Variants in DUSP16 observed in about 807,000 individuals in gnomAD.
DUSP16 encodes dual specificity phosphatase 16, also known as dual specificity protein phosphatase 16.
A neutral mutation model predicts 58.3 loss-of-function variants in DUSP16; 21 were observed. That is an observed-to-expected ratio of 0.36 (90% CI 0.26 to 0.52). The LOEUF (loss-of-function observed/expected upper bound fraction) is 0.52, where lower values mean the gene tolerates loss of function less well. Ranked by LOEUF, DUSP16 falls within the 20% of genes least tolerant of loss-of-function variation. The probability of loss-of-function intolerance (pLI) is 0.94; values close to 1 mark genes in which losing one functional copy is unlikely to be tolerated. For missense variants in DUSP16, 726 were observed against 819.0 expected (o/e 0.89, Z 1.39); for synonymous variants, 320 against 323.8 (o/e 0.99, Z 0.12).
rs1345748205 is a variant in DUSP16, at chr12:12,562,792, G to C, written c.-1041C>G. 6.6e-6 allele frequency among the ~76,000 whole-genome samples: 1 copy of C among 151,496 alleles called. No individual in the cohort carries two copies. The highest frequency in any genetic ancestry group is 1.9e-4 in the East Asian group (1 of 5,174). On this transcript the variant is annotated 5_prime_UTR_variant, in exon 1 of 7. Transcript: ENST00000298573. Reference sequence around the variant, plus strand: ...TCCCGCGGCCGCCCGAGCCCGGAGCGCGGCTCCGCGCCTCGTTCCGGCCGC... The same window carrying C: ...TCCCGCGGCCGCCCGAGCCCGGAGCCCGGCTCCGCGCCTCGTTCCGGCCGC...
At chr12:12,557,861 A>G (rs1944832319) in intron 1 of DUSP16, among the ~76,000 whole-genome samples, 1 of 152,232 alleles carries the variant, frequency 6.6e-6, no homozygotes, top group Admixed American at 6.5e-5. Context: ...CACTTGGTAG[A>G]GGATCAGCAT....
At chr12:12,497,883 T>C (rs1369488793) in intron 4 of DUSP16, among the ~76,000 whole-genome samples, 1 of 151,888 alleles carries the variant, frequency 6.6e-6, no homozygotes, top group Non-Finnish European at 1.5e-5. Flanking sequence ...GGCAGGAGAA[T>C]TGCTTGAACA....
intron 1 of DUSP16, among the ~76,000 whole-genome samples, chr12:12,542,967 C>T (rs918786707): frequency 6.6e-5 from 10 of 152,016 alleles, no homozygotes; most frequent in South Asian, 2.1e-4. Context: ...CTTGGGTATA[C>T]GATGAGAAAT....
intron 1 of DUSP16, among the ~76,000 whole-genome samples, chr12:12,551,738 G>T (rs1944731586): frequency 6.9e-6 from 1 of 144,648 alleles, no homozygotes; most frequent in Admixed American, 7.1e-5. Context: ...TGTTACCCAT[G>T]CTGGAGTGCA....
intron 4 of DUSP16, among the ~76,000 whole-genome samples, chr12:12,499,972 C>A (rs572326658): frequency 2.0e-5 from 3 of 151,848 alleles, no homozygotes; most frequent in Admixed American, 6.6e-5. Context: ...CATGCTCTTC[C>A]CTCTTCCTTC....
intron 1 of DUSP16, among the ~76,000 whole-genome samples, chr12:12,535,778 G>C (rs1005093233): frequency 6.6e-6 from 1 of 152,228 alleles, no homozygotes; most frequent in Admixed American, 6.5e-5. Context: ...AAATTTCAAA[G>C]AGAGTTTTGA....
chr12:12,479,459 G>A (rs532382457), intron 6 of DUSP16, among the ~76,000 whole-genome samples: 9 of 152,168 alleles, frequency 5.9e-5, no homozygotes, highest in Non-Finnish European at 1.3e-4. Flanking sequence ...TCTGAACGGC[G>A]GCATGAGAGC....
intron 3 of DUSP16, 126 bp downstream of exon 3, chr12:12,519,736 G>T: frequency 1.1e-6 from 1 of 913,066 alleles, no homozygotes. Flanking sequence ...TCAATCAAAA[G>T]CTATAAATAA....
intron 3 of DUSP16, among the ~76,000 whole-genome samples, chr12:12,506,752 G>A (rs553791519): frequency 1.2e-4 from 18 of 152,358 alleles, no homozygotes; most frequent in South Asian, 2.1e-4. Flanking sequence ...GCAGAGAAGC[G>A]TCTTGGCCTC....
chr12:12,504,867 A>C (rs1043397316), intron 3 of DUSP16, among the ~76,000 whole-genome samples: 4 of 152,058 alleles, frequency 2.6e-5, no homozygotes, highest in African/African-American at 9.7e-5. Flanking sequence ...ACAAAGTGAG[A>C]CCCTGTCTCA....
chr12:12,482,851 C>A (rs1033242409), intron 5 of DUSP16, among the ~76,000 whole-genome samples: 1 of 152,150 alleles, frequency 6.6e-6, no homozygotes, highest in Non-Finnish European at 1.5e-5. Context: ...GCTAGGACTA[C>A]AGGTGCACAC....
At position 12,540,922 on chromosome 12, in the gene DUSP16, T is replaced by C. The variant is rs554505988; in HGVS notation, c.-365-19459A>G. 2.8e-4 allele frequency among the ~76,000 whole-genome samples: 42 copies of C among 149,912 alleles called. No individual in the cohort carries two copies. The South Asian group carries it at 5.9e-3, about 21-fold the overall frequency. On this transcript the variant is annotated intron_variant, in intron 1 of 6. Transcript: ENST00000298573. ...TCATCTTTCTTCAGGAGGCAGACAG[T>C]TGCTTTTTTTTCTTTTCTTTTCTTT...
rs766767452 is a variant in DUSP16 at position 12,519,911 on chromosome 12, T to A, written c.318A>T (p.Val106=). Reference sequence around the variant, plus strand: ...AGCTCTTCTCCAGTTTACCCAGAAGTACAGTGAGAAAACAGTCTGAAGAGA... The same window carrying A: ...AGCTCTTCTCCAGTTTACCCAGAAGAACAGTGAGAAAACAGTCTGAAGAGA... ...ASLSSDCFLT[V]LLGKLEKSFN... Residue 106 remains valine, a synonymous_variant, in exon 3 of 7, where the codon GTA becomes GTT. Coordinates refer to ENST00000298573, the MANE Select transcript of DUSP16 (RefSeq NM_030640.3). 1.2e-6 allele frequency: 2 copies of A among 1,614,084 alleles called. No homozygotes were observed. The highest frequency in any genetic ancestry group is 2.2e-5 in the South Asian group (2 of 91,080).
intron 5 of DUSP16, among the ~76,000 whole-genome samples, chr12:12,486,677 A>G (rs897538044): frequency 6.6e-6 from 1 of 152,232 alleles, no homozygotes; most frequent in Non-Finnish European, 1.5e-5. Context: ...AATATTACCA[A>G]AGTTTCCCAA....
Position 12,520,934 on chromosome 12 carries a change from C to T in DUSP16, c.165G>A (p.Lys55=), listed in dbSNP as rs1324496669. 6.2e-7 allele frequency: 1 copy of T among 1,614,190 alleles called. No individual in the cohort carries two copies. Reference sequence around the variant, plus strand: ...ACACTTTGTCCTGTTGCAACCTTCGCTTCATAAGCTTGGAGCAGTTGATAT... The same window carrying T: ...ACACTTTGTCCTGTTGCAACCTTCGTTTCATAAGCTTGGAGCAGTTGATAT... ...AININCSKLM[K]RRLQQDKVLI... The change falls in exon 2 of 7, where the codon AAG becomes AAA. Residue 55 remains lysine, a synonymous_variant. Transcript: ENST00000298573.
chr12:12,524,594 AG>A (rs1430768796), intron 1 of DUSP16, among the ~76,000 whole-genome samples: 1 of 152,228 alleles, frequency 6.6e-6, no homozygotes, highest in Non-Finnish European at 1.5e-5. Flanking sequence ...AGATGACAAG[AG>A]AATATTTTGC....
At chr12:12,552,235 C>T (rs755298554) in intron 1 of DUSP16, among the ~76,000 whole-genome samples, 5 of 151,874 alleles carry the variant, frequency 3.3e-5, no homozygotes, top group Non-Finnish European at 4.4e-5. Context: ...CACTTGGGGT[C>T]GGGAGTTTGA....
At chr12:12,519,480 G>C (rs563011390) in intron 3 of DUSP16, among the ~76,000 whole-genome samples, 9 of 152,262 alleles carry the variant, frequency 5.9e-5, no homozygotes, top group Admixed American at 5.9e-4. Context: ...TGTAATATTG[G>C]TCTGGTTCTT....
At chr12:12,488,484 A>G (rs1253540953) in intron 4 of DUSP16, among the ~76,000 whole-genome samples, 2 of 152,162 alleles carry the variant, frequency 1.3e-5, no homozygotes, top group Non-Finnish European at 2.9e-5. Context: ...TGCACTCAAA[A>G]CAATCTGTTC....
Sources: allele counts gnomAD v4.1 joint callset (sites outside exome capture counted in the v4.1 genomes callset), GRCh38; gene constraint gnomAD v4.1.1; transcripts MANE v1.5; gene names NCBI Gene and HGNC (gene_info 2026-07-23, HGNC 2026-07-21).